USH1C: variants seen among roughly 807,000 people sequenced by gnomAD.
USH1C encodes USH1 protein network component harmonin.
A neutral mutation model predicts 119.3 loss-of-function variants in USH1C; 90 were observed. That is an observed-to-expected ratio of 0.75 (90% CI 0.64 to 0.90). The LOEUF (loss-of-function observed/expected upper bound fraction) is 0.90. Among genes scored for constraint, USH1C ranks in the 40% least tolerant of loss-of-function variants. The pLI is 0.00. For missense variants in USH1C, 1,165 were observed against 1,167.7 expected, an observed-to-expected ratio of 1.00 and a Z score of 0.03; for synonymous variants, 465 against 443.3, an observed-to-expected ratio of 1.05 and a Z score of -0.62.
chr11:17,524,462 C>T lies in USH1C; in HGVS notation c.748G>A (p.Val250Met). Residue 250 changes from valine to methionine, a missense_variant, in exon 9 of 27, where the codon GTG (valine) becomes ATG (methionine). Physicochemically the swap from Val to Met is conservative, Grantham distance 21. Coordinates refer to ENST00000005226, the MANE Select transcript of USH1C (RefSeq NM_153676.4). ...HVKPGSLSAE[V>M]GLEIGDQIVE... ...CCAGCGTCACTCACCTCCAATCCCA[C>T]CTCAGCAGACAGGGAGCCAGGTTTC... 6.4e-7 allele frequency: 1 copy of T among 1,572,990 alleles called. No homozygotes were observed. Among genetic ancestry groups the T allele is most frequent in the Non-Finnish European group, 8.6e-7 (1 of 1,157,586 alleles).
At chr11:17,523,649 G>A (rs1850527574) in intron 9 of USH1C, among the ~76,000 whole-genome samples, 171 bp from the exon 10 acceptor site, 1 of 152,188 alleles carries the variant, frequency 6.6e-6, no homozygotes, top group Non-Finnish European at 1.5e-5. Context: ...AGCTCTGGGA[G>A]GGCTTAAAGC....
intron 24 of USH1C, chr11:17,497,053 G>A (rs1849275030): frequency 3.9e-6 from 2 of 519,354 alleles, no homozygotes; most frequent in Non-Finnish European, 6.9e-6. Context: ...GCTCCCAAAT[G>A]TCAATCTATG....
chr11:17,510,397 T>C lies in USH1C; in HGVS notation c.1530+8A>G. ...GGAGGGTCTATGTGGAAAGAAGGGC[T>C]CTGTTACCTCTGAAATCTCATTATC... On this transcript the variant is annotated splice_region_variant and intron_variant, in intron 17 of 26. Coordinates refer to ENST00000005226, the MANE Select transcript of USH1C (RefSeq NM_153676.4). The C allele has an allele frequency of 6.2e-7, 1 of 1,608,110 alleles. No homozygotes were observed. Among genetic ancestry groups the C allele is most frequent in the Non-Finnish European group, 8.5e-7 (1 of 1,176,464 alleles).
At chr11:17,527,407 T>C in intron 4 of USH1C, 76 bp from the exon 5 acceptor site, 1 of 1,164,442 alleles carries the variant, frequency 8.6e-7, no homozygotes. Context: ...CACCAGATGC[T>C]CCCGGACTGC....
chr11:17,500,988 C>T (rs553284071), intron 23 of USH1C, 63 bp downstream of exon 23: 55 of 1,445,458 alleles, frequency 3.8e-5, no homozygotes, highest in Non-Finnish European at 4.6e-5. Context: ...GTTTGCTTTC[C>T]GGGAGGGCCC....
chr11:17,536,656 G>A (rs184682119), intron 1 of USH1C, among the ~76,000 whole-genome samples: 6 of 152,266 alleles, frequency 3.9e-5, no homozygotes, highest in Non-Finnish European at 5.9e-5. Context: ...CACTGTCACC[G>A]GTTAGGTCAC....
chr11:17,515,917 T>G (rs1850124052), intron 15 of USH1C, among the ~76,000 whole-genome samples: 2 of 152,348 alleles, frequency 1.3e-5, no homozygotes, highest in Non-Finnish European at 2.9e-5. Context: ...CTTCTGGCCT[T>G]GGTCTCTAGT....
In USH1C at chr11:17,496,766, G is replaced by A. The variant is rs143860238; in HGVS notation, c.2538C>T (p.Asp846=). The change falls in exon 25 of 27, where the codon GAC becomes GAT. Residue 846 remains aspartate, a synonymous_variant. Coordinates refer to ENST00000005226, the MANE Select transcript of USH1C (RefSeq NM_153676.4). The part of the protein sequence containing the change: ...VVAVCPPKEY[D]DELASLPSSV... ...TGCTTGCACACACTTACAGCTCATC[G>A]TCATACTCCTTTGGGGGGCAGACGG... is the stretch of plus-strand genomic sequence containing the variant. The A allele has an allele frequency of 1.8e-4, 288 of 1,614,188 alleles. No homozygotes were observed. The Middle Eastern group carries it at 1.8e-3, about 10-fold the overall frequency.
At position 17,531,561 on chromosome 11, in the gene USH1C, T is replaced by C; in HGVS notation, c.105-19A>G. ...CATGGTCCTGTGGAGATGCCGGGAA[T>C]GCCTGGAGCCTCACCCCTGGCCATG... On this transcript the variant is annotated intron_variant, in intron 2 of 26. Transcript: ENST00000005226. The surrounding 1 kb of genome is among the most constrained non-coding windows in gnomAD (Gnocchi z 4.2). The C allele has an allele frequency of 6.2e-7, 1 of 1,611,436 alleles. No homozygotes were observed. Among genetic ancestry groups the C allele is most frequent in the Non-Finnish European group, 8.5e-7 (1 of 1,179,946 alleles).
At chr11:17,522,992 T>G in intron 11 of USH1C, 66 bp from the exon 12 acceptor site, 2 of 1,596,610 alleles carry the variant, frequency 1.3e-6, no homozygotes, top group Non-Finnish European at 1.7e-6. Context: ...GACACACCCC[T>G]GGGGGCCGAG....
chr11:17,494,883 C>T (rs1024027082), intron 26 of USH1C: 18 of 243,814 alleles, frequency 7.4e-5, no homozygotes, highest in African/African-American at 3.5e-4. Context: ...GGGTGAGAAA[C>T]ACATCCTACA....
intron 20 of USH1C, 127 bp from the exon 21 acceptor site, chr11:17,502,107 G>T: frequency 1.1e-6 from 1 of 926,284 alleles, no homozygotes; most frequent in African/African-American, 1.7e-5. Flanking sequence ...AGAAGGCACG[G>T]CCAGGGTACG....
intron 1 of USH1C, among the ~76,000 whole-genome samples, chr11:17,541,011 C>T (rs569041058): frequency 6.6e-6 from 1 of 152,340 alleles, no homozygotes; most frequent in African/African-American, 2.4e-5. Flanking sequence ...ACTTGCTGTT[C>T]CATACAGGCG....
Position 17,509,374 on chromosome 11 carries a change from G to T in USH1C, c.1995C>A (p.Ser665Arg). The stretch of plus-strand genomic sequence containing the variant: ...ACATTACCTTTGGGGTGGGTGGGAA[G>T]CTCTGTTCAGGGACAGGGGAGTTAG... Reference protein sequence around the residue: ...KPTNSPVPEQSFPPTPKTFCP... With the variant: ...KPTNSPVPEQRFPPTPKTFCP... Residue 665 changes from serine to arginine, a missense_variant, in exon 18 of 27, where the codon AGC (serine) becomes AGA (arginine). Coordinates refer to ENST00000005226, the MANE Select transcript of USH1C (RefSeq NM_153676.4). 6.3e-7 allele frequency: 1 copy of T among 1,583,408 alleles called. No homozygotes were observed. Among genetic ancestry groups the T allele is most frequent in the East Asian group, 2.3e-5 (1 of 44,328 alleles).
intron 16 of USH1C, among the ~76,000 whole-genome samples, chr11:17,511,194 T>C (rs1175106154): frequency 6.6e-6 from 1 of 152,144 alleles, no homozygotes; most frequent in Non-Finnish European, 1.5e-5. Context: ...CCCAGGTTGA[T>C]GAGGTCTAGC....
At chr11:17,501,011 G>A (rs1315188619) in intron 23 of USH1C, 40 bp downstream of exon 23, 1 of 1,571,168 alleles carries the variant, frequency 6.4e-7, no homozygotes. Flanking sequence ...TCTAACCACT[G>A]TATCATCCCC....
rs1489664741 is a variant in USH1C at position 17,498,145 on chromosome 11, A to C, written c.2490+17T>G. 6 of 1,606,450 alleles carry C rather than the reference A, an allele frequency of 3.7e-6. No individual in the cohort carries two copies. Among genetic ancestry groups the C allele is most frequent in the Middle Eastern group, 3.3e-4 (2 of 6,076 alleles). On this transcript the variant is annotated intron_variant, in intron 24 of 26. Transcript: ENST00000005226. ...AGGCAGGTGAGGGAGGAAAGGAGGG[A>C]GGGGCCTTATTCTTACCCCGCCCTG...
At chr11:17,527,958 A>G (rs1284395146) in intron 4 of USH1C, among the ~76,000 whole-genome samples, 2 of 152,200 alleles carry the variant, frequency 1.3e-5, no homozygotes, top group Non-Finnish European at 2.9e-5. Context: ...AGCAAAGAAC[A>G]GTGAACGAGC....
chr11:17,502,598 T>A (rs1456184716), intron 20 of USH1C, among the ~76,000 whole-genome samples: 1 of 152,216 alleles, frequency 6.6e-6, no homozygotes, highest in Non-Finnish European at 1.5e-5. Flanking sequence ...CTCCCCAGAT[T>A]CTGCGGAGCG....
Sources: allele counts gnomAD v4.1 joint callset (sites outside exome capture counted in the v4.1 genomes callset), GRCh38; gene constraint gnomAD v4.1.1; non-coding constraint Gnocchi (gnomAD v3.1); transcripts MANE v1.5; gene names NCBI Gene and HGNC (gene_info 2026-07-23, HGNC 2026-07-21).